Variants in CFAP69 observed in about 807,000 individuals in gnomAD.
The protein encoded by CFAP69 is cilia- and flagella-associated protein 69.
Under a neutral mutation model 123.0 loss-of-function variants are expected in CFAP69, and 92 were observed. The observed-to-expected ratio is 0.75, with a 90% CI of 0.63 to 0.89. The LOEUF (loss-of-function observed/expected upper bound fraction) is 0.89. CFAP69 is among the 40% of genes least tolerant of loss of function. CFAP69 has a pLI of 0.00. For synonymous variants in CFAP69, 380 were observed against 364.3 expected (o/e 1.04, Z -0.49); for missense variants, 1,067 against 1,096.9 (o/e 0.97, Z 0.39).
At chr7:90,306,027 C>T (rs1793536550) in intron 19 of CFAP69, among the ~76,000 whole-genome samples, 1 of 143,640 alleles carries the variant, frequency 7.0e-6, no homozygotes. Context: ...ACTGCAGCCT[C>T]AACCTCCCAG....
chr7:90,315,691 C>A (rs539682486), downstream of CFAP69, among the ~76,000 whole-genome samples: 9 of 152,326 alleles, frequency 5.9e-5, no homozygotes, highest in Non-Finnish European at 1.3e-4. Context: ...ATCTGTACAA[C>A]AAACCCCCGT....
chr7:90,300,789 T>C (rs1792690042), intron 17 of CFAP69: 1 of 152,838 alleles, frequency 6.5e-6, no homozygotes, highest in Non-Finnish European at 1.5e-5. Flanking sequence ...TAGCTGGGAC[T>C]ACAGGCATGC....
At chr7:90,308,101 G>C (rs1432706315) in intron 21 of CFAP69, among the ~76,000 whole-genome samples, 1 of 152,156 alleles carries the variant, frequency 6.6e-6, no homozygotes, top group East Asian at 1.9e-4. Flanking sequence ...CCTACATAAA[G>C]AAGAAGATGA....
At chr7:90,298,701 G>A (rs1792347435) in intron 16 of CFAP69, among the ~76,000 whole-genome samples, 1 of 152,120 alleles carries the variant, frequency 6.6e-6, no homozygotes, top group African/African-American at 2.4e-5. Context: ...GATTAAATGA[G>A]TGATTGTATG....
In CFAP69 at chr7:90,286,332, T is replaced by A; in HGVS notation, c.1589T>A (p.Val530Asp). Reference protein sequence around the residue: ...SKPNEKEEAIVLEIQSDILLI... With the variant: ...SKPNEKEEAIDLEIQSDILLI... The stretch of plus-strand genomic sequence containing the variant: ...CCTAATGAAAAGGAAGAAGCCATTG[T>A]TTTGGAAATCCAGTCTGATATATTA... The change falls in exon 14 of 23, where the codon GTT (valine) becomes GAT (aspartate). Residue 530 changes from valine to aspartate, a missense_variant. Val to Asp is a radical substitution (Grantham distance 152). Transcript: ENST00000389297. The A allele has an allele frequency of 6.2e-7, 1 of 1,610,206 alleles. No homozygotes were observed. The highest frequency in any genetic ancestry group is 8.5e-7 in the Non-Finnish European group (1 of 1,177,884).
At chr7:90,289,106 A>C (rs1372390263) in intron 15 of CFAP69, among the ~76,000 whole-genome samples, 1 of 152,034 alleles carries the variant, frequency 6.6e-6, no homozygotes, top group African/African-American at 2.4e-5. Context: ...GCCTAGGCTT[A>C]TGAAAAAATA....
intron 17 of CFAP69, chr7:90,301,801 CTT>C: frequency 6.6e-6 from 1 of 151,996 alleles, no homozygotes. Flanking sequence ...ATGTGTGTGT[CTT>C]TATGATAGAA....
intron 17 of CFAP69, chr7:90,301,585 G>C (rs1338980500): frequency 2.0e-5 from 3 of 152,080 alleles, no homozygotes; most frequent in African/African-American, 7.2e-5. Flanking sequence ...GCAGTGTTTG[G>C]TTTTCTGTTC....
At chr7:90,313,042 A>G (rs1794461705), downstream of CFAP69, among the ~76,000 whole-genome samples, 1 of 152,244 alleles carries the variant, frequency 6.6e-6, no homozygotes, top group Non-Finnish European at 1.5e-5. Flanking sequence ...ACTTTCATCC[A>G]TCTGGCATCA....
chr7:90,279,112 A>C (rs1789042523), intron 11 of CFAP69, among the ~76,000 whole-genome samples: 1 of 152,170 alleles, frequency 6.6e-6, no homozygotes, highest in South Asian at 2.1e-4. Flanking sequence ...AATACTAGGC[A>C]TGTAATGAAA....
chr7:90,299,792 C>G (rs868255120), intron 16 of CFAP69, 75 bp from the exon 17 acceptor site: 3 of 1,176,806 alleles, frequency 2.5e-6, no homozygotes, highest in Non-Finnish European at 2.3e-6. Context: ...AGAAGTGTTT[C>G]TCTCTTTTTT....
intron 1 of CFAP69, among the ~76,000 whole-genome samples, chr7:90,250,360 C>T (rs960479454): frequency 6.6e-6 from 1 of 152,088 alleles, no homozygotes; most frequent in African/African-American, 2.4e-5. Context: ...AAGTTAGGTC[C>T]CAGGGCCTCA....
the CFAP69 span, chr7:90,319,627 G>T: frequency 2.5e-6 from 1 of 398,588 alleles, no homozygotes; most frequent in East Asian, 3.6e-5. Flanking sequence ...AATGTCTTTG[G>T]TGATTCCTGG....
chr7:90,256,340 G>A (rs1480381594), intron 2 of CFAP69, among the ~76,000 whole-genome samples: 1 of 152,030 alleles, frequency 6.6e-6, no homozygotes, highest in African/African-American at 2.4e-5. Flanking sequence ...AGAACACATG[G>A]ACACAGGGAG....
chr7:90,259,795 T>A (rs879345912), intron 3 of CFAP69, among the ~76,000 whole-genome samples: 2 of 152,122 alleles, frequency 1.3e-5, no homozygotes, highest in African/African-American at 2.4e-5. Flanking sequence ...CATTTTTTTT[T>A]AACATTTACA....
intron 18 of CFAP69, chr7:90,304,351 A>G: frequency 1.6e-6 from 2 of 1,256,500 alleles, no homozygotes; most frequent in Non-Finnish European, 2.0e-6. Context: ...AGATAGGATT[A>G]AGGACAGTTA....
At chr7:90,254,545 T>C (rs1797414101) in intron 1 of CFAP69, among the ~76,000 whole-genome samples, 1 of 152,112 alleles carries the variant, frequency 6.6e-6, no homozygotes, top group Admixed American at 6.6e-5. Context: ...GGAACGAACA[T>C]GTAGACCCTT....
At chr7:90,258,624 G>T (rs1250896359) in intron 3 of CFAP69, among the ~76,000 whole-genome samples, 2 of 151,988 alleles carry the variant, frequency 1.3e-5, no homozygotes, top group Non-Finnish European at 2.9e-5. Context: ...AATCATATGT[G>T]AAAAGTCCCT....
chr7:90,250,145 C>T (rs1469167357), intron 1 of CFAP69, among the ~76,000 whole-genome samples: 1 of 145,696 alleles, frequency 6.9e-6, no homozygotes, highest in African/African-American at 2.6e-5. Context: ...GAATTCAAAG[C>T]TAGCCTGGGC....
Sources: allele counts gnomAD v4.1 joint callset (sites outside exome capture counted in the v4.1 genomes callset), GRCh38; gene constraint gnomAD v4.1.1; transcripts MANE v1.5; gene names NCBI Gene and HGNC (gene_info 2026-07-23, HGNC 2026-07-21).